WDR36: variants seen among roughly 807,000 people sequenced by gnomAD.
WDR36 encodes WD repeat domain 36.
WDR36 carries 63 observed loss-of-function variants against 112.7 expected under a neutral mutation model. The observed-to-expected ratio is 0.56, with a 90% CI of 0.46 to 0.69. WDR36 has a LOEUF of 0.69. Ranked by LOEUF, WDR36 falls within the 30% of genes least tolerant of loss-of-function variation. The pLI, the probability that WDR36 is intolerant of heterozygous loss-of-function variation, is 0.00. For synonymous variants in WDR36, 410 were observed against 362.2 expected (o/e 1.13, Z -1.50); for missense variants, 1,226 against 1,070.3 (o/e 1.15, Z -2.03).
Position 111,097,119 on chromosome 5 carries a change from T to C in WDR36, c.231T>C (p.Asp77=). Residue 77 remains aspartate (D), a synonymous_variant, in exon 3 of 23, where the codon GAT becomes GAC. Transcript: ENST00000513710. The part of the protein sequence containing the change: ...VPQDICCMAA[D]GRLVFAAYGN... ...AGGATATCTGCTGTATGGCAGCTGA[T>C]GGCAGATTAGTCTTTGCTGCTTATG... The C allele has an allele frequency of 6.2e-7, 1 of 1,613,850 alleles. No homozygotes were observed.
intron 16 of WDR36, among the ~76,000 whole-genome samples, chr5:111,116,150 A>AT (rs1206005881): frequency 6.6e-6 from 1 of 151,344 alleles, no homozygotes; most frequent in African/African-American, 2.4e-5. Flanking sequence ...GGGTTTCACC[A>AT]TGTGGCCAGG....
intron 2 of WDR36, 86 bp downstream of exon 2, chr5:111,095,033 G>A (rs1580388683): frequency 8.0e-7 from 1 of 1,254,720 alleles, no homozygotes; most frequent in Non-Finnish European, 1.1e-6. Context: ...GAGCATATAA[G>A]GAAGCCAAGG....
At position 111,127,918 on chromosome 5, in the gene WDR36, GTTTTGTTTTTTTTT is replaced by G; in HGVS notation, c.*1040_*1053del. On this transcript the variant is annotated 3_prime_UTR_variant, in exon 23 of 23. Coordinates refer to ENST00000513710, the MANE Select transcript of WDR36 (RefSeq NM_139281.3). ...GCCAGGGTTTTTTTTATTTTGTTTT[GTTTTGTTTTTTTTT>G]TTTTTTTTTTGGCTACACTTTTTTG... 1 of 175,322 alleles carries G rather than the reference GTTTTGTTTTTTTTT, an allele frequency of 5.7e-6. No individual in the cohort carries two copies. The highest frequency in any genetic ancestry group is 1.1e-5 in the Non-Finnish European group (1 of 88,464). The allele number at this position is 175,322 out of a possible 1,614,324, so 10.9% of individuals were successfully genotyped here.
Position 111,096,148 on chromosome 5 carries a change from C to T in WDR36, c.191-931C>T, listed in dbSNP as rs146825408. On this transcript the variant is annotated intron_variant, in intron 2 of 22. Coordinates refer to ENST00000513710, the MANE Select transcript of WDR36 (RefSeq NM_139281.3). Reference sequence around the variant, plus strand: ...CCTGTGTCTACTAACCCTCCTGCCCCAAAAGAGGAAATGAAAAGGTCAGTG... The same window carrying T: ...CCTGTGTCTACTAACCCTCCTGCCCTAAAAGAGGAAATGAAAAGGTCAGTG... Among the ~76,000 whole-genome samples, 256 of 152,140 alleles carry T rather than the reference C, an allele frequency of 1.7e-3. 1 individual carries two copies. The highest frequency in any genetic ancestry group is 6.0e-3 in the African/African-American group (248 of 41,496).
intron 16 of WDR36, among the ~76,000 whole-genome samples, chr5:111,114,017 A>G (rs1753404656): frequency 6.6e-6 from 1 of 152,126 alleles, no homozygotes; most frequent in South Asian, 2.1e-4. Flanking sequence ...ACTATATCTT[A>G]AAGTGGTGAA....
rs1164179788 is a variant in WDR36, at chr5:111,128,863, G to T, written c.*1980G>T. On this transcript the variant is annotated 3_prime_UTR_variant, in exon 23 of 23. Transcript: ENST00000513710. Reference sequence around the variant, plus strand: ...CTCATGTAATATATGACTACATTTTGCTTGTGTGCTTTTTGAAAACCATCT... The same window carrying T: ...CTCATGTAATATATGACTACATTTTTCTTGTGTGCTTTTTGAAAACCATCT... 1 of 188,044 alleles carries T rather than the reference G, an allele frequency of 5.3e-6. No individual in the cohort carries two copies. Among genetic ancestry groups the T allele is most frequent in the Admixed American group, 6.2e-5 (1 of 16,180 alleles). 11.6% of individuals were successfully genotyped at this position (188,044 alleles called of 1,614,324 possible). A position where few individuals can be genotyped will look rare whatever the true frequency, so the allele number is the denominator to read the frequency against.
intron 16 of WDR36, among the ~76,000 whole-genome samples, chr5:111,114,082 A>G (rs1420829316): frequency 1.3e-5 from 2 of 152,170 alleles, no homozygotes; most frequent in African/African-American, 4.8e-5. Flanking sequence ...AATCTGTTTC[A>G]TGGGTTGAAA....
chr5:111,123,862 C>G lies in WDR36; in HGVS notation c.2206C>G (p.Pro736Ala). The G allele has an allele frequency of 6.2e-7, 1 of 1,613,868 alleles. No homozygotes were observed. Among genetic ancestry groups the G allele is most frequent in the Non-Finnish European group, 8.5e-7 (1 of 1,179,910 alleles). ...ACCCAAATCAGCACCATTTTTCATT[C>G]CAACAATTCCTGGCCTTGTACCCAG... ...KVPKSAPFFI[P>A]TIPGLVPRYA... The change falls in exon 20 of 23, where the codon CCA becomes GCA. Residue 736 changes from proline to alanine, a missense_variant. Physicochemically the swap from Pro to Ala is conservative, Grantham distance 27. Transcript: ENST00000513710.
intron 6 of WDR36, 96 bp from the exon 7 acceptor site, chr5:111,103,689 TA>T: frequency 1.3e-6 from 2 of 1,485,074 alleles, no homozygotes; most frequent in Non-Finnish European, 1.9e-6. Flanking sequence ...GATACTTCAT[TA>T]TTTCTTTTGA....
Position 111,126,957 on chromosome 5 carries a change from G to T in WDR36, c.*74G>T. The T allele has an allele frequency of 7.2e-7, 1 of 1,388,174 alleles. No homozygotes were observed. The highest frequency in any genetic ancestry group is 9.7e-7 in the Non-Finnish European group (1 of 1,029,706). 86.0% of individuals were successfully genotyped at this position (1,388,174 alleles called of 1,614,324 possible). On this transcript the variant is annotated 3_prime_UTR_variant, in exon 23 of 23. Coordinates refer to ENST00000513710, the MANE Select transcript of WDR36 (RefSeq NM_139281.3). ...TGAACTCATTTCTTATTTTCCAAGT[G>T]TCAATGTGAAAAGAAAATAAATGCT...
intron 2 of WDR36, among the ~76,000 whole-genome samples, chr5:111,095,659 G>C (rs943580466): frequency 2.0e-5 from 3 of 152,092 alleles, no homozygotes; most frequent in Non-Finnish European, 4.4e-5. Context: ...CAGATTTTCA[G>C]ATTAGGAACA....
At chr5:111,109,064 T>G (rs1235580710) in intron 12 of WDR36, among the ~76,000 whole-genome samples, 1 of 151,184 alleles carries the variant, frequency 6.6e-6, no homozygotes, top group South Asian at 2.1e-4. Flanking sequence ...AGATAATACA[T>G]TAGAATGAAT....
Position 111,127,012 on chromosome 5 carries a change from C to CT in WDR36, c.*132dup. 1.2e-6 allele frequency: 1 copy of CT among 850,840 alleles called. No homozygotes were observed. The highest frequency in any genetic ancestry group is 2.1e-5 in the South Asian group (1 of 47,366). 52.7% of individuals were successfully genotyped at this position (850,840 alleles called of 1,614,324 possible). ...CTACTGACTAGTCAGTATATCTCCACTTTAAATGCTAAATACTTTCTTGAA... is the reference window on the plus strand; with the variant it reads ...CTACTGACTAGTCAGTATATCTCCACTTTTAAATGCTAAATACTTTCTTGAA... On this transcript the variant is annotated 3_prime_UTR_variant, in exon 23 of 23. Transcript: ENST00000513710.
chr5:111,121,287 A>G, intron 19 of WDR36, 146 bp downstream of exon 19: 5 of 809,070 alleles, frequency 6.2e-6, no homozygotes, highest in African/African-American at 1.7e-5. Flanking sequence ...TTAATCAAAT[A>G]TTGTTTAATA....
Position 111,127,826 on chromosome 5 carries a change from A to G in WDR36, c.*943A>G, listed in dbSNP as rs902010130. The G allele has an allele frequency of 3.8e-5, 8 of 212,068 alleles. No homozygotes were observed. The highest frequency in any genetic ancestry group is 5.7e-5 in the Non-Finnish European group (6 of 104,686). 13.1% of individuals were successfully genotyped at this position (212,068 alleles called of 1,614,324 possible). On this transcript the variant is annotated 3_prime_UTR_variant, in exon 23 of 23. Transcript: ENST00000513710. ...TCCTCTGAAAAGGTAAAAATTCCAT[A>G]AATCCTTGCAAACAATTTTTAGCAA...
chr5:111,115,382 T>C (rs529156210), intron 16 of WDR36, among the ~76,000 whole-genome samples: 47 of 152,316 alleles, frequency 3.1e-4, no homozygotes, highest in Middle Eastern at 3.4e-3. Flanking sequence ...AAGTTGTAGG[T>C]ACTATTACTG....
intron 2 of WDR36, among the ~76,000 whole-genome samples, chr5:111,096,826 G>A (rs1213763403): frequency 6.6e-6 from 1 of 152,106 alleles, no homozygotes. Flanking sequence ...ATTTCTCTAG[G>A]ATTATGTTTT....
Position 111,125,585 on chromosome 5 carries a change from A to G in WDR36, c.2351-23A>G, listed in dbSNP as rs61261876. 26,549 of 1,603,792 alleles carry G rather than the reference A, an allele frequency of 0.017. 447 individuals carry two copies. Among genetic ancestry groups the G allele is most frequent in the African/African-American group, 0.084 (6,307 of 74,680 alleles). On this transcript the variant is annotated intron_variant, in intron 21 of 22. Transcript: ENST00000513710. ...AGTTAAATGATTATAATCAAGTCAT[A>G]ACTGGATTAAAATTTAATGCAGATG...
intron 5 of WDR36, among the ~76,000 whole-genome samples, chr5:111,101,708 G>A: frequency 6.6e-6 from 1 of 151,730 alleles, no homozygotes; most frequent in East Asian, 1.9e-4. Context: ...GGGAAAATAA[G>A]ATTATTAAAG....
Sources: allele counts gnomAD v4.1 joint callset (sites outside exome capture counted in the v4.1 genomes callset), GRCh38; gene constraint gnomAD v4.1.1; transcripts MANE v1.5; gene names NCBI Gene and HGNC (gene_info 2026-07-23, HGNC 2026-07-21).